Variants in TBX15 observed in about 807,000 individuals in gnomAD.
TBX15 encodes T-box transcription factor TBX15.
Under a neutral mutation model 53.9 loss-of-function variants are expected in TBX15, and 18 were observed. That is an observed-to-expected ratio of 0.33 (90% confidence interval 0.23 to 0.49). TBX15 has a LOEUF of 0.49. TBX15 is among the 20% of genes least tolerant of loss of function. TBX15 has a pLI of 0.98. For synonymous variants in TBX15, 295 were observed against 278.0 expected (o/e 1.06, Z -0.61); for missense variants, 692 against 749.5 (o/e 0.92, Z 0.90).
intron 1 of TBX15, among the ~76,000 whole-genome samples, chr1:118,982,247 C>T (rs528997419): frequency 3.9e-5 from 6 of 152,358 alleles, no homozygotes; most frequent in African/African-American, 1.4e-4. Flanking sequence ...TATAGCCACC[C>T]TGAGAAGGAA....
At chr1:118,922,615 C>G (rs1488645539) in intron 5 of TBX15, among the ~76,000 whole-genome samples, 1 of 152,164 alleles carries the variant, frequency 6.6e-6, no homozygotes, top group Non-Finnish European at 1.5e-5. Flanking sequence ...ATTTTATGAT[C>G]TTAACCATGG....
Position 118,899,130 on chromosome 1 carries a change from C to T in TBX15, c.927-5G>A, listed in dbSNP as rs1654529382. On this transcript the variant is annotated splice_polypyrimidine_tract_variant and splice_region_variant and intron_variant, in intron 6 of 7. Coordinates refer to ENST00000369429, the MANE Select transcript of TBX15 (RefSeq NM_001330677.2). ...ATGATGGCTTCAAGTCCAGTTCTGA[C>T]AAGAGAAAAGCCAGCAAAGGAAGTC... 1 of 1,613,048 alleles carries T rather than the reference C, an allele frequency of 6.2e-7. No individual in the cohort carries two copies. Among genetic ancestry groups the T allele is most frequent in the East Asian group, 2.2e-5 (1 of 44,822 alleles).
At chr1:118,986,213 G>C (rs1002914267) in intron 1 of TBX15, among the ~76,000 whole-genome samples, 2 of 152,202 alleles carry the variant, frequency 1.3e-5, no homozygotes, top group African/African-American at 4.8e-5. Flanking sequence ...TGAGGAAATA[G>C]GGTCTGGCCA....
chr1:118,920,756 G>A (rs1655399100), intron 5 of TBX15, among the ~76,000 whole-genome samples: 1 of 152,090 alleles, frequency 6.6e-6, no homozygotes, highest in Non-Finnish European at 1.5e-5. Flanking sequence ...GGGAAGGCAG[G>A]AACAGAACAA....
chr1:118,953,039 C>G (rs1401806831), intron 1 of TBX15, among the ~76,000 whole-genome samples: 2 of 150,470 alleles, frequency 1.3e-5, no homozygotes, highest in Non-Finnish European at 3.0e-5. Flanking sequence ...TGTATAAACC[C>G]AATACTGACA....
At chr1:118,952,985 G>A (rs1656565446) in intron 1 of TBX15, among the ~76,000 whole-genome samples, 1 of 151,772 alleles carries the variant, frequency 6.6e-6, no homozygotes, top group African/African-American at 2.4e-5. Context: ...ATAGAAATAG[G>A]AAAAGATGGC....
At chr1:118,939,183 G>T (rs946783727) in intron 1 of TBX15, among the ~76,000 whole-genome samples, 4 of 152,006 alleles carry the variant, frequency 2.6e-5, no homozygotes, top group Admixed American at 6.6e-5. Flanking sequence ...GACGCAGGCA[G>T]ATCGCTTGAG....
rs187902863 is a variant in TBX15, at chr1:118,977,771, T to C, written c.205+9820A>G. 2.0e-5 allele frequency among the ~76,000 whole-genome samples: 3 copies of C among 152,358 alleles called. No homozygotes were observed. In the East Asian group the frequency reaches 5.8e-4, roughly 29 times the overall value. On this transcript the variant is annotated intron_variant, in intron 1 of 7. Coordinates refer to ENST00000369429, the MANE Select transcript of TBX15 (RefSeq NM_001330677.2). Reference sequence around the variant, plus strand: ...CCTTGAATGCTAAGCTGTCTTCTGATCTATCTTGTTGACAAGCGTTTTGCC... The same window carrying C: ...CCTTGAATGCTAAGCTGTCTTCTGACCTATCTTGTTGACAAGCGTTTTGCC...
At chr1:118,913,678 A>G (rs1655097570) in intron 6 of TBX15, among the ~76,000 whole-genome samples, 1 of 152,186 alleles carries the variant, frequency 6.6e-6, no homozygotes, top group African/African-American at 2.4e-5. Flanking sequence ...AAAAACAGTT[A>G]CATTTTTTTT....
intron 1 of TBX15, among the ~76,000 whole-genome samples, chr1:118,944,932 T>C (rs1416742783): frequency 6.6e-6 from 1 of 152,222 alleles, no homozygotes; most frequent in African/African-American, 2.4e-5. Context: ...AAAATGACTT[T>C]CCTCTGATGA....
chr1:118,897,528 G>T (rs1443585400), intron 7 of TBX15, among the ~76,000 whole-genome samples: 2 of 152,168 alleles, frequency 1.3e-5, no homozygotes, highest in Non-Finnish European at 2.9e-5. Context: ...AGCCACCAGA[G>T]AACTAAATCA....
intron 1 of TBX15, among the ~76,000 whole-genome samples, chr1:118,936,622 C>T (rs1366678877): frequency 6.6e-6 from 1 of 152,034 alleles, no homozygotes; most frequent in Non-Finnish European, 1.5e-5. Flanking sequence ...TGACTTGGGA[C>T]AGGGAGATGA....
chr1:118,948,811 C>A (rs1656423990), intron 1 of TBX15, among the ~76,000 whole-genome samples: 1 of 152,176 alleles, frequency 6.6e-6, no homozygotes, highest in African/African-American at 2.4e-5. Flanking sequence ...GTTGTGATTA[C>A]ACATCTGAAT....
Position 118,975,424 on chromosome 1 carries a change from A to G in TBX15, c.205+12167T>C, listed in dbSNP as rs550739740. The stretch of plus-strand genomic sequence containing the variant: ...ATTTAACAATTTCTGTTTTGGTGAC[A>G]ACGTGAGCAGCAAACATAAATTTCC... On this transcript the variant is annotated intron_variant, in intron 1 of 7. Transcript: ENST00000369429. 5.9e-5 allele frequency among the ~76,000 whole-genome samples: 9 copies of G among 152,334 alleles called. No individual in the cohort carries two copies. The East Asian group carries it at 1.5e-3, about 26-fold the overall frequency.
intron 6 of TBX15, among the ~76,000 whole-genome samples, chr1:118,911,729 G>A (rs1482650994): frequency 6.6e-6 from 1 of 152,134 alleles, no homozygotes; most frequent in Non-Finnish European, 1.5e-5. Flanking sequence ...ATGTTCCTGG[G>A]CAGGGGTCAC....
intron 7 of TBX15, among the ~76,000 whole-genome samples, chr1:118,898,334 T>C (rs916489969): frequency 4.6e-5 from 7 of 152,150 alleles, no homozygotes; most frequent in African/African-American, 1.7e-4. Context: ...ATATAATATA[T>C]GGGTGCTATG....
At chr1:118,901,705 C>T (rs1326253274) in intron 6 of TBX15, among the ~76,000 whole-genome samples, 2 of 152,102 alleles carry the variant, frequency 1.3e-5, no homozygotes, top group Non-Finnish European at 2.9e-5. Context: ...TTATCCACCT[C>T]TGTTGGTATA....
chr1:118,981,618 A>C (rs1013994265), intron 1 of TBX15, among the ~76,000 whole-genome samples: 1 of 152,224 alleles, frequency 6.6e-6, no homozygotes, highest in Non-Finnish European at 1.5e-5. Context: ...TATCCTGCCT[A>C]AAAGTGAAGC....
At chr1:118,972,296 G>A (rs1391168188) in intron 1 of TBX15, among the ~76,000 whole-genome samples, 1 of 152,154 alleles carries the variant, frequency 6.6e-6, no homozygotes, top group African/African-American at 2.4e-5. Flanking sequence ...TTATATGTTT[G>A]GATTTACACA....
Sources: gnomAD v4.1 joint callset for allele counts (sites outside exome capture counted in the v4.1 genomes callset) on GRCh38, gnomAD v4.1.1 for gene constraint, MANE v1.5 for transcripts, NCBI Gene and HGNC (gene_info 2026-07-23, HGNC 2026-07-21) for gene names.